Variants in NEK5 observed in about 807,000 individuals in gnomAD.
NEK5 encodes the protein NIMA related kinase 5.
A neutral mutation model predicts 109.2 loss-of-function variants in NEK5; 88 were observed. The ratio of observed to expected loss-of-function variants is 0.81; its 90% CI spans 0.68 to 0.96. The LOEUF (loss-of-function observed/expected upper bound fraction) is 0.96. NEK5 is among the 40% of genes least tolerant of loss of function. The pLI, the probability that NEK5 is intolerant of heterozygous loss-of-function variation, is 0.00. For synonymous variants in NEK5, 283 were observed against 299.9 expected (o/e 0.94, Z 0.58); for missense variants, 834 against 920.7 (o/e 0.91, Z 1.22).
chr13:52,067,724 C>T (rs760567513), intron 20 of NEK5, among the ~76,000 whole-genome samples: 11 of 149,918 alleles, frequency 7.3e-5, no homozygotes, highest in Non-Finnish European at 1.5e-4. Context: ...CTCTGTCACC[C>T]AGCTGGAGTG....
chr13:52,118,696 C>G (rs1248142021), intron 4 of NEK5, among the ~76,000 whole-genome samples: 2 of 152,170 alleles, frequency 1.3e-5, no homozygotes, highest in African/African-American at 4.8e-5. Context: ...AGTTCTCCCC[C>G]TCTCCGTGGC....
intron 12 of NEK5, among the ~76,000 whole-genome samples, chr13:52,097,494 T>A (rs1955441181): frequency 1.3e-5 from 2 of 152,206 alleles, no homozygotes; most frequent in African/African-American, 4.8e-5. Context: ...CAAAGGAATT[T>A]GGAGCTTTAA....
chr13:52,097,896 TGG>T (rs1955449866), intron 12 of NEK5, among the ~76,000 whole-genome samples: 12 of 152,156 alleles, frequency 7.9e-5, no homozygotes, highest in Non-Finnish European at 2.9e-5. Flanking sequence ...AGGGGCCTGG[TGG>T]AAGGTGATTA....
intron 22 of NEK5, among the ~76,000 whole-genome samples, chr13:52,053,906 T>G (rs983879960): frequency 3.3e-5 from 5 of 152,230 alleles, no homozygotes; most frequent in Non-Finnish European, 5.9e-5. Context: ...TTGTCCTTGT[T>G]ATTCAATTTT....
Position 52,050,865 on chromosome 13 carries a change from A to G in NEK5, c.2111-644T>C, listed in dbSNP as rs532252387. ...CTCCTGAGTAGCTGGGATTACAGGC[A>G]CATGCCACCACACCTGGCTAATTTT... On this transcript the variant is annotated intron_variant, in intron 22 of 23. Transcript: ENST00000684899. 8.6e-5 allele frequency among the ~76,000 whole-genome samples: 13 copies of G among 151,408 alleles called. No individual in the cohort carries two copies. The East Asian group carries it at 2.3e-3, about 27-fold the overall frequency.
intron 22 of NEK5, among the ~76,000 whole-genome samples, chr13:52,056,044 A>C (rs1435623893): frequency 6.6e-6 from 1 of 152,198 alleles, no homozygotes; most frequent in Non-Finnish European, 1.5e-5. Context: ...TGCTGTATTC[A>C]GGAAACCCAT....
rs1020213901 is a variant in NEK5, at chr13:52,119,396, T to G, written c.137A>C (p.Glu46Ala). The G allele has an allele frequency of 7.5e-6, 12 of 1,594,710 alleles. No homozygotes were observed. Among genetic ancestry groups the G allele is most frequent in the Non-Finnish European group, 1.7e-6 (2 of 1,165,244 alleles). ...NFEKMPIQEK[E>A]ASKKEVILLE... is the part of the protein sequence containing the mutation. ...AAGAATCACTTCTTTCTTTGAAGCT[T>G]CTTTTTCTTGTATGGGCATCTAAAT... The change falls in exon 4 of 24, where the codon GAA becomes GCA. Residue 46 changes from glutamate (E) to alanine (A), a missense_variant. Transcript: ENST00000684899.
chr13:52,052,046 A>G (rs546725683), intron 22 of NEK5, among the ~76,000 whole-genome samples: 1 of 152,286 alleles, frequency 6.6e-6, no homozygotes, highest in South Asian at 2.1e-4. Flanking sequence ...ACTCAAAAGC[A>G]TGCAAACTTT....
chr13:52,033,619 A>G lies in NEK5; in HGVS notation c.*3329T>C, dbSNP rs931123401. ...ACATTAAGAAGAGGCTGTCAGGTTT[A>G]ATAAACTTTTTAATGAATATTTCAG... On this transcript the variant is annotated 3_prime_UTR_variant, in exon 24 of 24. Coordinates refer to ENST00000684899, the MANE Select transcript of NEK5 (RefSeq NM_001365552.1). 1 of 166,052 alleles carries G rather than the reference A, an allele frequency of 6.0e-6. No individual in the cohort carries two copies. The highest frequency in any genetic ancestry group is 2.4e-5 in the African/African-American group (1 of 41,460). 10.3% of individuals were successfully genotyped at this position (166,052 alleles called of 1,614,324 possible).
At position 52,128,294 on chromosome 13, in the gene NEK5, G is replaced by A. The variant is rs945676033; in HGVS notation, c.-90-632C>T. Among the ~76,000 whole-genome samples, 4 of 151,904 alleles carry A rather than the reference G, an allele frequency of 2.6e-5. No individual in the cohort carries two copies. In the South Asian group the frequency reaches 8.3e-4, roughly 32 times the overall value. On this transcript the variant is annotated intron_variant, in intron 1 of 23. Coordinates refer to ENST00000684899, the MANE Select transcript of NEK5 (RefSeq NM_001365552.1). The stretch of plus-strand genomic sequence containing the variant: ...ATTGTTCACCATTTGGGAAAACCAC[G>A]CGCTTCACTGGCCACGCTGCTCCTG...
chr13:52,059,051 T>C (rs1250269044), intron 22 of NEK5, among the ~76,000 whole-genome samples: 2 of 115,306 alleles, frequency 1.7e-5, no homozygotes, highest in South Asian at 3.4e-4. Context: ...CGCAACCTAC[T>C]CATCTGACAA....
chr13:52,103,820 C>T (rs1028373455), intron 9 of NEK5, among the ~76,000 whole-genome samples: 11 of 152,114 alleles, frequency 7.2e-5, no homozygotes, highest in African/African-American at 1.7e-4. Context: ...TCACAGGTGA[C>T]GTGGGTAACA....
Position 52,127,429 on chromosome 13 carries a change from T to C in NEK5, c.54A>G (p.Ala18=), listed in dbSNP as rs762196008. The C allele has an allele frequency of 8.1e-6, 13 of 1,613,512 alleles. No individual in the cohort carries two copies. Among genetic ancestry groups the C allele is most frequent in the African/African-American group, 1.3e-5 (1 of 75,056 alleles). ...KAIGQGAFGK[A]YLAKGKSDSK... ...TATCTGATTTCCCTTTAGCTAAGTA[T>C]GCTTTCCCGAAGGCACCTTGCCCGA... The change falls in exon 3 of 24, where the codon GCA becomes GCG. Residue 18 remains alanine, a synonymous_variant. Transcript: ENST00000684899.
chr13:52,116,315 A>G (rs1470323488), intron 4 of NEK5, among the ~76,000 whole-genome samples: 2 of 151,994 alleles, frequency 1.3e-5, no homozygotes, highest in African/African-American at 4.8e-5. Context: ...TTGTTTGCTT[A>G]TATTTTCTTT....
intron 17 of NEK5, among the ~76,000 whole-genome samples, chr13:52,078,933 A>G (rs143753410): frequency 6.6e-6 from 1 of 152,376 alleles, no homozygotes; most frequent in Non-Finnish European, 1.5e-5. Context: ...CTTCACAAAT[A>G]TAAGTAAGAT....
At position 52,056,698 on chromosome 13, in the gene NEK5, G is replaced by C. The variant is rs368214428; in HGVS notation, c.2110+5121C>G. Among the ~76,000 whole-genome samples the C allele has an allele frequency of 5.6e-3, 842 of 151,214 alleles. 11 individuals carry two copies. Among genetic ancestry groups the C allele is most frequent in the East Asian group, 0.025 (130 of 5,170 alleles). ...TGAACAACCTGCTCCTGAATGACTA[G>C]TGGGTACATAACGATATGAAGGCAG... is the stretch of plus-strand genomic sequence containing the variant. On this transcript the variant is annotated intron_variant, in intron 22 of 23. Transcript: ENST00000684899.
At chr13:52,108,216 T>C in intron 8 of NEK5, 102 bp downstream of exon 8, 1 of 717,828 alleles carries the variant, frequency 1.4e-6, no homozygotes, top group Non-Finnish European at 2.4e-6. Flanking sequence ...AAAAGTACCA[T>C]AAGAAAGAAA....
At chr13:52,101,804 T>G (rs1268544583) in intron 11 of NEK5, 129 bp downstream of exon 11, 1 of 750,340 alleles carries the variant, frequency 1.3e-6, no homozygotes, top group African/African-American at 1.7e-5. Context: ...ATGATTTTTC[T>G]CCTGCTTATA....
In NEK5 at chr13:52,051,761, T is replaced by C. The variant is rs142365919; in HGVS notation, c.2111-1540A>G. 4.3e-4 allele frequency among the ~76,000 whole-genome samples: 66 copies of C among 152,276 alleles called. 1 individual carries two copies. The highest frequency in any genetic ancestry group is 1.5e-3 in the African/African-American group (61 of 41,550). ...CCTCCCATTTTATTCCTAAATAAGA[T>C]AGCTACAATTATAAAAAAGCTACAT... is the stretch of plus-strand genomic sequence containing the variant. On this transcript the variant is annotated intron_variant, in intron 22 of 23. Coordinates refer to ENST00000684899, the MANE Select transcript of NEK5 (RefSeq NM_001365552.1).
Sources: allele counts gnomAD v4.1 joint callset (sites outside exome capture counted in the v4.1 genomes callset), GRCh38; gene constraint gnomAD v4.1.1; transcripts MANE v1.5; gene names NCBI Gene and HGNC (gene_info 2026-07-23, HGNC 2026-07-21).